The following FAM219B variants were observed in gnomAD, a reference collection of about 807,000 sequenced individuals.
FAM219B encodes protein FAM219B.
In FAM219B, 18 loss-of-function variants were observed where a neutral mutation model predicts 19.9. That is an observed-to-expected ratio of 0.91 (90% CI 0.63 to 1.34). The LOEUF is 1.34. Ranked by LOEUF, FAM219B falls within the 40% of genes most tolerant of loss-of-function variation. The pLI is 0.00. For synonymous variants in FAM219B, 123 were observed against 117.5 expected (o/e 1.05, Z -0.30); for missense variants, 283 against 270.5 (o/e 1.05, Z -0.32).
At position 74,901,129 on chromosome 15, in the gene FAM219B, A is replaced by G. The variant is rs1595831791; in HGVS notation, c.*1490T>C. The G allele has an allele frequency of 1.3e-5, 2 of 152,302 alleles. No homozygotes were observed. Among genetic ancestry groups the G allele is most frequent in the Admixed American group, 6.5e-5 (1 of 15,278 alleles). The allele number at this position is 152,302 out of a possible 1,614,324, so 9.4% of individuals were successfully genotyped here. The stretch of plus-strand genomic sequence containing the variant: ...TAGAACCTATACCCCAATCCCGACT[A>G]TTGGGCTGGGAACCCTGTCTATGCC... On this transcript the variant is annotated 3_prime_UTR_variant, in exon 5 of 5. Coordinates refer to ENST00000357635, the MANE Select transcript of FAM219B (RefSeq NM_020447.5).
rs1484432086 is a variant in FAM219B at position 74,906,316 on chromosome 15, C to G, written c.264G>C (p.Leu88=). 1.9e-6 allele frequency: 3 copies of G among 1,613,626 alleles called. No homozygotes were observed. Among genetic ancestry groups the G allele is most frequent in the Non-Finnish European group, 2.5e-6 (3 of 1,179,962 alleles). ...AKAVLRRKGM[L]GASPNRPDSS... is the part of the protein sequence containing the mutation. ...AGTCTGGGCGGTTCGGCGAGGCCCC[C>G]AGCATGCCTTTTCTCCGCAGAACGG... Residue 88 remains leucine (L), a synonymous_variant, in exon 2 of 5, where the codon CTG becomes CTC. Coordinates refer to ENST00000357635, the MANE Select transcript of FAM219B (RefSeq NM_020447.5).
chr15:74,906,188 C>T, intron 2 of FAM219B, 90 bp downstream of exon 2: 1 of 1,361,450 alleles, frequency 7.3e-7, no homozygotes, highest in Non-Finnish European at 1.0e-6. Flanking sequence ...ATCGCTAGCT[C>T]GGCCTTAAAC....
In FAM219B at chr15:74,906,788, C is replaced by A; in HGVS notation, c.13G>T (p.Glu5Ter). The A allele has an allele frequency of 7.8e-7, 1 of 1,285,150 alleles. No homozygotes were observed. Among genetic ancestry groups the A allele is most frequent in the Non-Finnish European group, 9.8e-7 (1 of 1,016,980 alleles). The allele number at this position is 1,285,150 out of a possible 1,614,324, so 79.6% of individuals were successfully genotyped here. A position where few individuals can be genotyped will look rare whatever the true frequency, so the allele number is the denominator to read the frequency against. MATA[E>*]PSGRALRLST... Reference sequence around the variant, plus strand: ...AACCGCAACGCGCGCCCGCTGGGCTCCGCGGTCGCCATGGCCGGGCCCCGC... The same window carrying A: ...AACCGCAACGCGCGCCCGCTGGGCTACGCGGTCGCCATGGCCGGGCCCCGC... The change falls in exon 1 of 5, where the codon GAG becomes TAG. Residue 5 changes from glutamate (E) to a stop codon, truncating the protein, a stop_gained. Transcript: ENST00000357635. LOFTEE classifies it high-confidence loss of function.
chr15:74,905,980 C>T (rs999896489), intron 2 of FAM219B: 24 of 367,742 alleles, frequency 6.5e-5, no homozygotes, highest in African/African-American at 3.3e-4. Flanking sequence ...CACTGCTCTT[C>T]GTCCTCATTG....
In FAM219B at chr15:74,902,582, C is replaced by A. The variant is rs1400729329; in HGVS notation, c.*37G>T. 1.9e-6 allele frequency: 3 copies of A among 1,565,122 alleles called. No individual in the cohort carries two copies. Among genetic ancestry groups the A allele is most frequent in the Admixed American group, 1.8e-5 (1 of 55,352 alleles). Reference sequence around the variant, plus strand: ...TGAGTGGCCAACAGGGCTCTGTAGGCCTCATGGTGAGCAGGGCCCACCTTG... The same window carrying A: ...TGAGTGGCCAACAGGGCTCTGTAGGACTCATGGTGAGCAGGGCCCACCTTG... On this transcript the variant is annotated 3_prime_UTR_variant, in exon 5 of 5. Transcript: ENST00000357635.
chr15:74,902,641 GA>G lies in FAM219B; in HGVS notation c.574del (p.Ser192LeufsTer35), dbSNP rs778052496. 6.2e-7 allele frequency: 1 copy of G among 1,611,358 alleles called. No individual in the cohort carries two copies. The highest frequency in any genetic ancestry group is 8.5e-7 in the Non-Finnish European group (1 of 1,178,672). ...CSCCWCCLGD[S>X]SSCTLQ ...TGTCTACTGGAGGGTACAGGAAGAA[GA>G]GTCCCCAAGACAGCACCAGCAGCAG... is the stretch of plus-strand genomic sequence containing the variant. On this transcript the variant is annotated frameshift_variant, in exon 5 of 5. Coordinates refer to ENST00000357635, the MANE Select transcript of FAM219B (RefSeq NM_020447.5). LOFTEE classifies it high-confidence loss of function.
chr15:74,902,490 T>G lies in FAM219B; in HGVS notation c.*129A>C. 1 of 936,178 alleles carries G rather than the reference T, an allele frequency of 1.1e-6. No individual in the cohort carries two copies. The highest frequency in any genetic ancestry group is 1.5e-6 in the Non-Finnish European group (1 of 671,566). 58.0% of individuals were successfully genotyped at this position (936,178 alleles called of 1,614,324 possible). A position where few individuals can be genotyped will look rare whatever the true frequency, so the allele number is the denominator to read the frequency against. On this transcript the variant is annotated 3_prime_UTR_variant, in exon 5 of 5. Transcript: ENST00000357635. ...GGCCTCTGGCCTGAGAAGCAACAGG[T>G]AAGGGCTACCTGCAGGTCACTTTCT... is the stretch of plus-strand genomic sequence containing the variant.
chr15:74,904,792 G>A, intron 3 of FAM219B, 80 bp from the exon 4 acceptor site: 3 of 1,580,906 alleles, frequency 1.9e-6, no homozygotes, highest in Middle Eastern at 1.7e-4. Context: ...GAGCATGCAA[G>A]GGCATCTGGA....
At position 74,905,239 on chromosome 15, in the gene FAM219B, G is replaced by C. The variant is rs1481266759; in HGVS notation, c.303-8C>G. On this transcript the variant is annotated splice_region_variant and splice_polypyrimidine_tract_variant and intron_variant, in intron 2 of 4. Transcript: ENST00000357635. ...TTGTTAAACTTCACTGACCTGAGGG[G>C]AGACGGGGGAGAAGAGACCAAACAT... 1.9e-6 allele frequency: 3 copies of C among 1,613,512 alleles called. No homozygotes were observed. Among genetic ancestry groups the C allele is most frequent in the Non-Finnish European group, 2.5e-6 (3 of 1,179,618 alleles).
In FAM219B at chr15:74,906,612, G is replaced by C; in HGVS notation, c.189C>G (p.Arg63=). 6.6e-7 allele frequency: 1 copy of C among 1,509,302 alleles called. No individual in the cohort carries two copies. Among genetic ancestry groups the C allele is most frequent in the East Asian group, 2.3e-5 (1 of 43,126 alleles). 93.5% of individuals were successfully genotyped at this position (1,509,302 alleles called of 1,614,324 possible). A position where few individuals can be genotyped will look rare whatever the true frequency, so the allele number is the denominator to read the frequency against. ...VEKRGPYMVT[R]APSIQAKLQK... ...GCAGCTTGGCTTGAATGGAGGGTGC[G>C]CGCGTCACCATGTATGGCCCCCGCT... The change falls in exon 1 of 5, where the codon CGC becomes CGG. Residue 63 remains arginine, a synonymous_variant. Transcript: ENST00000357635.
intron 2 of FAM219B, 44 bp from the exon 3 acceptor site, chr15:74,905,275 A>ATAG: frequency 1.3e-6 from 2 of 1,592,676 alleles, no homozygotes; most frequent in Non-Finnish European, 1.7e-6. Context: ...AGATGAAAGC[A>ATAG]TAGGCATTTC....
chr15:74,902,912 A>C, intron 4 of FAM219B, 126 bp from the exon 5 acceptor site: 3 of 945,272 alleles, frequency 3.2e-6, no homozygotes, highest in Non-Finnish European at 4.6e-6. Flanking sequence ...CCAACCCCAC[A>C]CATCCCTGGA....
At chr15:74,903,428 A>G (rs1283477599) in intron 4 of FAM219B, among the ~76,000 whole-genome samples, 1 of 151,920 alleles carries the variant, frequency 6.6e-6, no homozygotes, top group East Asian at 1.9e-4. Context: ...GTGAAACCCC[A>G]TCTCTACTAA....
rs548830411 is a variant in FAM219B, at chr15:74,902,417, C to T, written c.*202G>A. 1.7e-4 allele frequency: 74 copies of T among 430,642 alleles called. No individual in the cohort carries two copies. In the South Asian group the frequency reaches 6.2e-3, roughly 36 times the overall value. The allele number at this position is 430,642 out of a possible 1,614,324, so 26.7% of individuals were successfully genotyped here. ...ACTTCTCCAAACTCTGCTCCAACAGCAGAGGAAAACTACAGAATTCTACCT... is the reference window on the plus strand; with the variant it reads ...ACTTCTCCAAACTCTGCTCCAACAGTAGAGGAAAACTACAGAATTCTACCT... On this transcript the variant is annotated 3_prime_UTR_variant, in exon 5 of 5. Coordinates refer to ENST00000357635, the MANE Select transcript of FAM219B (RefSeq NM_020447.5).
downstream of FAM219B, chr15:74,899,003 T>C (rs906673237): frequency 2.0e-5 from 3 of 152,240 alleles, no homozygotes; most frequent in African/African-American, 4.8e-5. Flanking sequence ...ACTGAAACCA[T>C]TGACTGTCAA....
At position 74,900,982 on chromosome 15, in the gene FAM219B, T is replaced by C. The variant is rs1277041773; in HGVS notation, c.*1637A>G. 6.6e-6 allele frequency: 1 copy of C among 152,240 alleles called. No individual in the cohort carries two copies. Among genetic ancestry groups the C allele is most frequent in the East Asian group, 1.9e-4 (1 of 5,206 alleles). 9.4% of individuals were successfully genotyped at this position (152,240 alleles called of 1,614,324 possible). A position where few individuals can be genotyped will look rare whatever the true frequency, so the allele number is the denominator to read the frequency against. ...AATAACAAATAAGGCCGTATCTTTT[T>C]ATTAGACTTGCTCATCTTCTAGTCA... On this transcript the variant is annotated 3_prime_UTR_variant, in exon 5 of 5. Transcript: ENST00000357635.
rs965804820 is a variant in FAM219B at position 74,901,024 on chromosome 15, G to A, written c.*1595C>T. On this transcript the variant is annotated 3_prime_UTR_variant, in exon 5 of 5. Transcript: ENST00000357635. ...TTCTAGTCACCCCTTGTGGTAGAGC[G>A]AAAAGAGTGTGTTGTCCCTCTCATG... 4.7e-4 allele frequency: 72 copies of A among 152,344 alleles called. No individual in the cohort carries two copies. Among genetic ancestry groups the A allele is most frequent in the African/African-American group, 1.5e-3 (63 of 41,564 alleles). 9.4% of individuals were successfully genotyped at this position (152,344 alleles called of 1,614,324 possible).
intron 4 of FAM219B, 148 bp downstream of exon 4, chr15:74,904,516 C>T (rs2065103953): frequency 1.3e-5 from 12 of 943,674 alleles, no homozygotes; most frequent in South Asian, 5.7e-5. Flanking sequence ...ATACCTCCAC[C>T]GGGGGAAGAG....
At position 74,902,286 on chromosome 15, in the gene FAM219B, A is replaced by G; in HGVS notation, c.*333T>C. 2.5e-6 allele frequency: 1 copy of G among 400,376 alleles called. No homozygotes were observed. The highest frequency in any genetic ancestry group is 4.4e-6 in the Non-Finnish European group (1 of 227,042). The allele number at this position is 400,376 out of a possible 1,614,324, so 24.8% of individuals were successfully genotyped here. A position where few individuals can be genotyped will look rare whatever the true frequency, so the allele number is the denominator to read the frequency against. ...CAAGAGCTCCCTTTTTGCCTCCCTGAAGCACTATGACAAATACCAATCAAG... is the reference window on the plus strand; with the variant it reads ...CAAGAGCTCCCTTTTTGCCTCCCTGGAGCACTATGACAAATACCAATCAAG... On this transcript the variant is annotated 3_prime_UTR_variant, in exon 5 of 5. Transcript: ENST00000357635.
Sources: allele counts gnomAD v4.1 joint callset (sites outside exome capture counted in the v4.1 genomes callset), GRCh38; gene constraint gnomAD v4.1.1; transcripts MANE v1.5; gene names NCBI Gene and HGNC (gene_info 2026-07-23, HGNC 2026-07-21).